Variants in PALLD observed in about 807,000 individuals in gnomAD.
PALLD encodes the protein palladin.
A neutral mutation model predicts 123.5 loss-of-function variants in PALLD; 61 were observed. The observed-to-expected ratio is 0.49, with a 90% CI of 0.40 to 0.61. The LOEUF (loss-of-function observed/expected upper bound fraction) is 0.61, where lower values mean the gene tolerates loss of function less well. Ranked by LOEUF, PALLD falls within the 20% of genes least tolerant of loss-of-function variation. The probability of loss-of-function intolerance (pLI) is 0.00; values close to 1 mark genes in which losing one functional copy is unlikely to be tolerated. For missense variants in PALLD, 1,273 were observed against 1,377.0 expected, an observed-to-expected ratio of 0.92 and a Z score of 1.20; for synonymous variants, 465 against 496.4, an observed-to-expected ratio of 0.94 and a Z score of 0.84.
At chr4:168,641,706 C>T (rs1776966607) in intron 2 of PALLD, among the ~76,000 whole-genome samples, 1 of 152,152 alleles carries the variant, frequency 6.6e-6, no homozygotes, top group Non-Finnish European at 1.5e-5. Flanking sequence ...TTTCCAGATG[C>T]CGCTGTAAAA....
chr4:168,622,289 G>A (rs1774838007), intron 2 of PALLD, among the ~76,000 whole-genome samples: 2 of 152,068 alleles, frequency 1.3e-5, no homozygotes, highest in African/African-American at 2.4e-5. Flanking sequence ...ACTCAATCCC[G>A]AATCACGAGG....
intron 2 of PALLD, among the ~76,000 whole-genome samples, chr4:168,579,533 A>G (rs1770008755): frequency 6.6e-6 from 1 of 152,160 alleles, no homozygotes; most frequent in South Asian, 2.1e-4. Context: ...ACAAGCATAT[A>G]ATATCGGGTA....
intron 2 of PALLD, among the ~76,000 whole-genome samples, chr4:168,566,418 C>T (rs1022493472): frequency 6.6e-6 from 1 of 152,132 alleles, no homozygotes. Flanking sequence ...CTACCTCAGC[C>T]TCCTAAGTAG....
At chr4:168,837,980 A>G (rs1745438876) in intron 10 of PALLD, among the ~76,000 whole-genome samples, 1 of 152,220 alleles carries the variant, frequency 6.6e-6, no homozygotes, top group Non-Finnish European at 1.5e-5. Flanking sequence ...GAGGAATGCC[A>G]GGTTGGGGTT....
chr4:168,673,175 C>T (rs893930032), intron 3 of PALLD, among the ~76,000 whole-genome samples: 1 of 152,198 alleles, frequency 6.6e-6, no homozygotes, highest in Non-Finnish European at 1.5e-5. Flanking sequence ...ACAAGCAGGC[C>T]TCTGCCATCA....
At chr4:168,733,419 T>A (rs1228206714) in intron 10 of PALLD, among the ~76,000 whole-genome samples, 1 of 152,218 alleles carries the variant, frequency 6.6e-6, no homozygotes, top group Admixed American at 6.5e-5. Flanking sequence ...TTAGCTGACT[T>A]TCATTAGCCA....
At chr4:168,761,652 T>TTTTTG (rs1561493812) in intron 10 of PALLD, among the ~76,000 whole-genome samples, 16 of 36,964 alleles carry the variant, frequency 4.3e-4, no homozygotes, top group African/African-American at 1.6e-3. Flanking sequence ...TTTGTTTTTT[T>TTTTTG]TTTTTTTTTT....
chr4:168,721,807 A>G (rs955571668), intron 10 of PALLD, among the ~76,000 whole-genome samples: 1 of 151,992 alleles, frequency 6.6e-6, no homozygotes. Flanking sequence ...GAATGTTCTC[A>G]CCTCCCGTGT....
intron 3 of PALLD, among the ~76,000 whole-genome samples, chr4:168,671,728 C>G (rs139521567): frequency 0.018 from 2,702 of 152,288 alleles, 40 homozygotes; most frequent in Middle Eastern, 0.044. Context: ...ACTTATGACT[C>G]AAAGTAAGAA....
At chr4:168,535,472 G>A (rs1015527842) in intron 2 of PALLD, among the ~76,000 whole-genome samples, 3 of 152,120 alleles carry the variant, frequency 2.0e-5, no homozygotes, top group African/African-American at 7.2e-5. Context: ...TTGATTTTCT[G>A]TAATTGAGAT....
At chr4:168,587,554 G>A (rs7673349) in intron 2 of PALLD, among the ~76,000 whole-genome samples, 23,791 of 152,026 alleles carry the variant, frequency 0.16, 2,130 homozygotes, top group East Asian at 0.33. Context: ...ATGTGAAGGC[G>A]GTTATGAAGG....
At chr4:168,900,566 T>C (rs1278219889) in intron 14 of PALLD, among the ~76,000 whole-genome samples, 1 of 152,222 alleles carries the variant, frequency 6.6e-6, no homozygotes, top group African/African-American at 2.4e-5. Flanking sequence ...GGTGTTAATT[T>C]CCTATAGCTC....
At chr4:168,775,335 T>C (rs1735034581) in intron 10 of PALLD, among the ~76,000 whole-genome samples, 1 of 152,206 alleles carries the variant, frequency 6.6e-6, no homozygotes, top group Non-Finnish European at 1.5e-5. Flanking sequence ...GCCATCTGTA[T>C]ATCTACCTTG....
intron 10 of PALLD, among the ~76,000 whole-genome samples, chr4:168,879,313 C>T (rs1398406229): frequency 6.6e-6 from 1 of 152,084 alleles, no homozygotes; most frequent in Non-Finnish European, 1.5e-5. Flanking sequence ...AGGTGTTAGG[C>T]ATGTTTGGTT....
At chr4:168,792,016 G>A (rs1017701620) in intron 10 of PALLD, among the ~76,000 whole-genome samples, 4 of 152,080 alleles carry the variant, frequency 2.6e-5, no homozygotes, top group Non-Finnish European at 4.4e-5. Context: ...TATCTTTTGG[G>A]ACCAAGGAAC....
intron 2 of PALLD, among the ~76,000 whole-genome samples, chr4:168,529,004 C>G (rs112882636): frequency 2.0e-5 from 3 of 152,072 alleles, no homozygotes; most frequent in Admixed American, 6.5e-5. Flanking sequence ...GAATCCAGAT[C>G]AGTGGAAAGG....
At position 168,903,844 on chromosome 4, in the gene PALLD, C is replaced by T. The variant is rs1442201012; in HGVS notation, c.2560C>T (p.His854Tyr). The T allele has an allele frequency of 6.2e-7, 1 of 1,613,526 alleles. No individual in the cohort carries two copies. The highest frequency in any genetic ancestry group is 8.5e-7 in the Non-Finnish European group (1 of 1,179,566). The change falls in exon 15 of 22, where the codon CAT becomes TAT. Residue 854 changes from histidine to tyrosine, a missense_variant. This residue lies in a region of PALLD where 329 missense variants were observed against 422.5 expected (regional missense o/e 0.78). Transcript: ENST00000505667. ...QRDLDGTCSLHTTASTLDDDG... is the reference protein window; with the variant it reads ...QRDLDGTCSLYTTASTLDDDG... ...AGATCTCGATGGGACCTGCTCCCTCCATACCACAGCCTCCACCCTAGATGA... is the reference window on the plus strand; with the variant it reads ...AGATCTCGATGGGACCTGCTCCCTCTATACCACAGCCTCCACCCTAGATGA...
intron 10 of PALLD, among the ~76,000 whole-genome samples, chr4:168,842,593 T>C (rs112351481): frequency 0.025 from 3,750 of 152,348 alleles, 153 homozygotes; most frequent in African/African-American, 0.082. Flanking sequence ...ATTCAGGCCA[T>C]CCACAGCCAG....
intron 10 of PALLD, among the ~76,000 whole-genome samples, chr4:168,816,389 G>GTATATATATATATA (rs34216824): frequency 2.9e-5 from 4 of 139,024 alleles, no homozygotes; most frequent in African/African-American, 5.2e-5. Flanking sequence ...GTGTATGTGT[G>GTATATATATATATA]TATATATATA....
Sources: allele counts gnomAD v4.1 joint callset (sites outside exome capture counted in the v4.1 genomes callset), GRCh38; gene constraint gnomAD v4.1.1; regional missense constraint gnomAD v4.1.1; transcripts MANE v1.5; gene names NCBI Gene and HGNC (gene_info 2026-07-23, HGNC 2026-07-21).